The following METTL16 variants were observed in gnomAD, a reference collection of about 807,000 sequenced individuals.
The protein encoded by METTL16 is methyltransferase 16, RNA N6-adenosine.
A neutral mutation model predicts 57.9 loss-of-function variants in METTL16; 19 were observed. The observed-to-expected ratio is 0.33, with a 90% CI of 0.23 to 0.48. METTL16 has a LOEUF of 0.48. Among genes scored for constraint, METTL16 ranks in the 20% least tolerant of loss-of-function variants. The pLI is 0.99. For synonymous variants in METTL16, 246 were observed against 255.6 expected (o/e 0.96, Z 0.36); for missense variants, 434 against 691.5 (o/e 0.63, Z 4.18).
intron 1 of METTL16, among the ~76,000 whole-genome samples, chr17:2,509,081 C>A (rs527982654): frequency 6.6e-6 from 1 of 152,210 alleles, no homozygotes; most frequent in Non-Finnish European, 1.5e-5. Context: ...CCCATCTACA[C>A]GCTTTCAAAG....
At chr17:2,426,013 G>A (rs1427541991) in intron 8 of METTL16, among the ~76,000 whole-genome samples, 16 of 132,076 alleles carry the variant, frequency 1.2e-4, no homozygotes, top group East Asian at 7.6e-4. Context: ...TTATGTCTCC[G>A]TTAATTATGG....
chr17:2,475,073 C>A (rs1210205474), intron 3 of METTL16, among the ~76,000 whole-genome samples: 1 of 152,186 alleles, frequency 6.6e-6, no homozygotes, highest in Non-Finnish European at 1.5e-5. Context: ...TCTGGTCTAG[C>A]CTTGTAAGGA....
chr17:2,453,641 A>G (rs2151557985), intron 6 of METTL16, among the ~76,000 whole-genome samples: 1 of 152,306 alleles, frequency 6.6e-6, no homozygotes, highest in East Asian at 1.9e-4. Context: ...TAAAGGGGGA[A>G]GGGGTGGTTC....
At chr17:2,510,451 C>G (rs1448118560) in intron 1 of METTL16, among the ~76,000 whole-genome samples, 2 of 152,208 alleles carry the variant, frequency 1.3e-5, no homozygotes, top group African/African-American at 4.8e-5. Context: ...GACATCAGTG[C>G]ACACACAACA....
intron 8 of METTL16, among the ~76,000 whole-genome samples, chr17:2,431,644 A>T (rs2066874929): frequency 6.6e-6 from 1 of 152,134 alleles, no homozygotes; most frequent in Admixed American, 6.6e-5. Context: ...TGGTCTATCC[A>T]GTATGCCATT....
chr17:2,423,328 G>T (rs1269832554), intron 8 of METTL16, among the ~76,000 whole-genome samples: 2 of 149,400 alleles, frequency 1.3e-5, no homozygotes, highest in Non-Finnish European at 3.0e-5. Flanking sequence ...CTTGAGAAAT[G>T]AATAGTGGAC....
intron 8 of METTL16, among the ~76,000 whole-genome samples, chr17:2,437,760 G>T (rs1459884984): frequency 6.6e-6 from 1 of 152,156 alleles, no homozygotes; most frequent in Non-Finnish European, 1.5e-5. Flanking sequence ...ATGTTGGCCA[G>T]GCAGGTCTCA....
chr17:2,419,674 C>T lies in METTL16; in HGVS notation c.*296G>A, dbSNP rs2066745238. 1 of 582,198 alleles carries T rather than the reference C, an allele frequency of 1.7e-6. No individual in the cohort carries two copies. The highest frequency in any genetic ancestry group is 3.2e-6 in the Non-Finnish European group (1 of 308,912). The allele number at this position is 582,198 out of a possible 1,614,324, so 36.1% of individuals were successfully genotyped here. A position where few individuals can be genotyped will look rare whatever the true frequency, so the allele number is the denominator to read the frequency against. ...ACCCTTCTGACCTTGCAGAGGCAGT[C>T]CAGAGCTGAGGGGCCAGCTTGAGCC... On this transcript the variant is annotated 3_prime_UTR_variant, in exon 10 of 10. Transcript: ENST00000263092.
intron 6 of METTL16, among the ~76,000 whole-genome samples, chr17:2,451,699 T>C (rs1473052068): frequency 2.6e-5 from 4 of 151,710 alleles, no homozygotes; most frequent in African/African-American, 9.7e-5. Flanking sequence ...CTTGGGTATA[T>C]TATGAACAAG....
chr17:2,481,837 A>T (rs1056017997), intron 2 of METTL16, among the ~76,000 whole-genome samples: 1 of 135,564 alleles, frequency 7.4e-6, no homozygotes, highest in Non-Finnish European at 1.6e-5. Context: ...ACCTAAAAAA[A>T]TTACCAGACT....
intron 7 of METTL16, among the ~76,000 whole-genome samples, chr17:2,441,238 A>ACAC (rs1185706541): frequency 6.6e-6 from 1 of 152,160 alleles, no homozygotes; most frequent in Non-Finnish European, 1.5e-5. Flanking sequence ...GGAGTTAAAT[A>ACAC]ATGTGTACAC....
At chr17:2,422,072 G>A (rs2066770633) in intron 8 of METTL16, among the ~76,000 whole-genome samples, 2 of 152,154 alleles carry the variant, frequency 1.3e-5, no homozygotes, top group East Asian at 1.9e-4. Context: ...AGCACTCTGG[G>A]AGGCCGAAGC....
intron 6 of METTL16, among the ~76,000 whole-genome samples, chr17:2,459,727 C>T (rs1232839885): frequency 2.6e-5 from 4 of 152,080 alleles, no homozygotes; most frequent in African/African-American, 7.2e-5. Flanking sequence ...GGGGGCCGGG[C>T]GCAGTGGCTC....
intron 4 of METTL16, among the ~76,000 whole-genome samples, chr17:2,470,427 T>C (rs545288691): frequency 1.3e-5 from 2 of 152,166 alleles, no homozygotes; most frequent in Admixed American, 1.3e-4. Context: ...GCTGGGAACA[T>C]GCACACTGGG....
At chr17:2,448,810 A>AAT (rs2067045314) in intron 6 of METTL16, among the ~76,000 whole-genome samples, 6 of 137,822 alleles carry the variant, frequency 4.4e-5, no homozygotes, top group African/African-American at 1.7e-4. Context: ...TTTAAAAAAA[A>AAT]AAAAAAAAAA....
At chr17:2,443,114 G>A (rs2066966209) in intron 6 of METTL16, among the ~76,000 whole-genome samples, 1 of 151,898 alleles carries the variant, frequency 6.6e-6, no homozygotes, top group Non-Finnish European at 1.5e-5. Context: ...TCAGCCTCCT[G>A]AGTAGTTGGG....
intron 6 of METTL16, among the ~76,000 whole-genome samples, chr17:2,446,730 C>G (rs1352471089): frequency 1.3e-5 from 2 of 152,220 alleles, no homozygotes; most frequent in Non-Finnish European, 2.9e-5. Flanking sequence ...CTGCCTCAGC[C>G]TGCTACGCCT....
In METTL16 at chr17:2,423,263, T is replaced by G. The variant is rs11658420; in HGVS notation, c.889-2359A>C. 3.1e-3 allele frequency among the ~76,000 whole-genome samples: 162 copies of G among 52,584 alleles called. No homozygotes were observed. In the African/African-American group the frequency reaches 0.059, roughly 19 times the overall value. The allele number at this position is 52,584 out of a possible 152,430, so 34.5% of individuals were successfully genotyped here. A position where few individuals can be genotyped will look rare whatever the true frequency, so the allele number is the denominator to read the frequency against. ...TTAGGGAAGGATAAAAAACAAAGGG[T>G]GTGTGTGTGTGTGTGTGTGTGTGTG... is the stretch of plus-strand genomic sequence containing the variant. On this transcript the variant is annotated intron_variant, in intron 8 of 9. Transcript: ENST00000263092.
chr17:2,454,549 ATATTAT>A (rs1187489850), intron 6 of METTL16, among the ~76,000 whole-genome samples: 4 of 144,548 alleles, frequency 2.8e-5, no homozygotes, highest in African/African-American at 7.8e-5. Flanking sequence ...GGATAAGACT[ATATTAT>A]TATTATTATT....
Sources: gnomAD v4.1 joint callset for allele counts (sites outside exome capture counted in the v4.1 genomes callset) on GRCh38, gnomAD v4.1.1 for gene constraint, MANE v1.5 for transcripts, NCBI Gene and HGNC (gene_info 2026-07-23, HGNC 2026-07-21) for gene names.